The following EFNA5 variants were observed in gnomAD, a reference collection of about 807,000 sequenced individuals.
EFNA5 encodes the protein ephrin A5.
A neutral mutation model predicts 22.9 loss-of-function variants in EFNA5; 5 were observed. The observed-to-expected ratio is 0.22, with a 90% confidence interval of 0.11 to 0.46. The LOEUF is 0.46. EFNA5 is among the 20% of genes least tolerant of loss of function. The probability of loss-of-function intolerance (pLI) is 0.99; values close to 1 mark genes in which losing one functional copy is unlikely to be tolerated. For missense variants in EFNA5, 237 were observed against 293.3 expected (o/e 0.81, Z 1.40); for synonymous variants, 113 against 112.2 (o/e 1.01, Z -0.04).
At chr5:107,634,024 A>G (rs1184068533) in intron 1 of EFNA5, among the ~76,000 whole-genome samples, 6 of 152,244 alleles carry the variant, frequency 3.9e-5, no homozygotes, top group African/African-American at 1.4e-4. Flanking sequence ...AAAGTTATTC[A>G]GACTTTAACA....
chr5:107,464,683 A>G (rs1406406348), intron 1 of EFNA5, among the ~76,000 whole-genome samples: 1 of 152,152 alleles, frequency 6.6e-6, no homozygotes, highest in African/African-American at 2.4e-5. Flanking sequence ...TGTTACAAAT[A>G]CAATCCCAGG....
Position 107,494,528 on chromosome 5 carries a change from C to T in EFNA5, c.126-67019G>A, listed in dbSNP as rs1271309585. On this transcript the variant is annotated intron_variant, in intron 1 of 4. Coordinates refer to ENST00000333274, the MANE Select transcript of EFNA5 (RefSeq NM_001962.3). ...AGCCCGCCATACCTGAGCCTCCCAC[C>T]CTCTGCTCCATGGCACCCAGTCCCA... Among the ~76,000 whole-genome samples the T allele has an allele frequency of 3.3e-5, 5 of 152,228 alleles. No individual in the cohort carries two copies. In the East Asian group the frequency reaches 7.7e-4, roughly 23 times the overall value.
intron 1 of EFNA5, among the ~76,000 whole-genome samples, chr5:107,574,556 T>G (rs552272093): frequency 6.6e-6 from 1 of 152,250 alleles, no homozygotes; most frequent in Admixed American, 6.5e-5. Context: ...AAGATTTTTT[T>G]CCCCCCATGG....
At chr5:107,661,980 T>C (rs1318308985) in intron 1 of EFNA5, among the ~76,000 whole-genome samples, 2 of 152,108 alleles carry the variant, frequency 1.3e-5, no homozygotes, top group Admixed American at 1.3e-4. Flanking sequence ...AAGAGCTAAT[T>C]CTTAATTATA....
At chr5:107,448,712 C>G (rs1204286202) in intron 1 of EFNA5, among the ~76,000 whole-genome samples, 4 of 151,812 alleles carry the variant, frequency 2.6e-5, no homozygotes, top group African/African-American at 9.7e-5. Context: ...CGCCTGTAAT[C>G]CCAGCTACTT....
chr5:107,462,682 G>A (rs928718523), intron 1 of EFNA5, among the ~76,000 whole-genome samples: 6 of 152,158 alleles, frequency 3.9e-5, no homozygotes, highest in Non-Finnish European at 8.8e-5. Context: ...ATGTAAAGCT[G>A]CACCCTGCTA....
intron 1 of EFNA5, among the ~76,000 whole-genome samples, chr5:107,592,871 G>A (rs12654557): frequency 0.23 from 34,229 of 152,042 alleles, 4,366 homozygotes; most frequent in Middle Eastern, 0.35. Context: ...TCTTTTCTGC[G>A]AAGGAATTCA....
chr5:107,637,539 T>TGG (rs1414272070), intron 1 of EFNA5, among the ~76,000 whole-genome samples: 2 of 151,744 alleles, frequency 1.3e-5, no homozygotes, highest in East Asian at 1.9e-4. Context: ...TGTGTGTGTG[T>TGG]GTGGGTTTGC....
intron 1 of EFNA5, among the ~76,000 whole-genome samples, chr5:107,446,579 C>T (rs1356104336): frequency 6.6e-6 from 1 of 151,824 alleles, no homozygotes; most frequent in Non-Finnish European, 1.5e-5. Context: ...ACGGTGAATC[C>T]CTGTCTCTAC....
chr5:107,439,447 T>G (rs533185422), intron 1 of EFNA5, among the ~76,000 whole-genome samples: 1 of 152,284 alleles, frequency 6.6e-6, no homozygotes, highest in South Asian at 2.1e-4. Flanking sequence ...CAGTGGGGGA[T>G]AGGGTGGTTT....
chr5:107,532,112 CG>C (rs1164468851), intron 1 of EFNA5, among the ~76,000 whole-genome samples: 3 of 152,258 alleles, frequency 2.0e-5, no homozygotes, highest in South Asian at 2.1e-4. Context: ...AAAATGGGAA[CG>C]GCTTTGTTTT....
chr5:107,510,713 G>A (rs868275374), intron 1 of EFNA5, among the ~76,000 whole-genome samples: 1 of 152,128 alleles, frequency 6.6e-6, no homozygotes, highest in South Asian at 2.1e-4. Context: ...AAGTCATGAG[G>A]TGCTGAAGAC....
chr5:107,426,445 T>G (rs750137365), intron 2 of EFNA5, among the ~76,000 whole-genome samples: 10 of 152,158 alleles, frequency 6.6e-5, no homozygotes, highest in Non-Finnish European at 1.5e-4. Flanking sequence ...TCAGAATGCA[T>G]TACAAGATCC....
At chr5:107,511,027 TGTGTGTGTGTGTGTGA>T (rs1187825760) in intron 1 of EFNA5, among the ~76,000 whole-genome samples, 2 of 151,534 alleles carry the variant, frequency 1.3e-5, no homozygotes, top group Non-Finnish European at 2.9e-5. Context: ...TGTGTGTGTG[TGTGTGTGTGTGTGTGA>T]GACGGAGAGT....
At chr5:107,404,061 C>T (rs1748151837) in intron 2 of EFNA5, among the ~76,000 whole-genome samples, 1 of 152,068 alleles carries the variant, frequency 6.6e-6, no homozygotes, top group South Asian at 2.1e-4. Context: ...TCATATAATC[C>T]AACTTATGAC....
chr5:107,485,067 G>T (rs147904528), intron 1 of EFNA5, among the ~76,000 whole-genome samples: 94 of 151,918 alleles, frequency 6.2e-4, no homozygotes, highest in African/African-American at 2.1e-3. Context: ...AAAAAACAAA[G>T]CAGATTTTTT....
intron 1 of EFNA5, among the ~76,000 whole-genome samples, chr5:107,643,871 T>TTAATAATAATAA (rs148571029): frequency 1.4e-5 from 2 of 146,268 alleles, no homozygotes; most frequent in African/African-American, 5.3e-5. Context: ...TCTATTTTCT[T>TTAATAATAATAA]TAATAATAAT....
chr5:107,665,522 T>C (rs972554513), intron 1 of EFNA5, among the ~76,000 whole-genome samples: 1 of 152,162 alleles, frequency 6.6e-6, no homozygotes, highest in African/African-American at 2.4e-5. Flanking sequence ...TAAAATCACC[T>C]AACAGAGAGT....
chr5:107,548,872 C>T (rs568153506), intron 1 of EFNA5, among the ~76,000 whole-genome samples: 5 of 152,270 alleles, frequency 3.3e-5, no homozygotes, highest in South Asian at 2.1e-4. Context: ...TAAAAGTCTT[C>T]GAGAGGATTT....
Sources: gnomAD v4.1 joint callset for allele counts (sites outside exome capture counted in the v4.1 genomes callset) on GRCh38, gnomAD v4.1.1 for gene constraint, MANE v1.5 for transcripts, NCBI Gene and HGNC (gene_info 2026-07-23, HGNC 2026-07-21) for gene names.